WWOX: variants seen among roughly 807,000 people sequenced by gnomAD.
WWOX encodes the protein WW domain containing oxidoreductase.
Under a neutral mutation model 46.2 loss-of-function variants are expected in WWOX, and 69 were observed. That is an observed-to-expected ratio of 1.49 (90% confidence interval 1.23 to 1.82). The LOEUF is 1.82. Among genes scored for constraint, WWOX ranks in the 40% most tolerant of loss-of-function variants. WWOX has a pLI of 0.00. For missense variants in WWOX, 919 were observed against 542.6 expected (o/e 1.69, Z -6.89); for synonymous variants, 359 against 202.6 (o/e 1.77, Z -6.56).
intron 4 of WWOX, among the ~76,000 whole-genome samples, chr16:78,135,337 A>C (rs2033750438): frequency 6.6e-6 from 1 of 152,218 alleles, no homozygotes; most frequent in African/African-American, 2.4e-5. Flanking sequence ...CTTTCTGAGA[A>C]GGAGGGGAAG....
chr16:78,513,706 C>T (rs144760530), intron 8 of WWOX, among the ~76,000 whole-genome samples: 31 of 152,288 alleles, frequency 2.0e-4, no homozygotes, highest in South Asian at 4.1e-4. Flanking sequence ...TTGAGAAATA[C>T]AATACTTATC....
At chr16:78,364,421 G>A (rs2151915817) in intron 5 of WWOX, among the ~76,000 whole-genome samples, 1 of 151,682 alleles carries the variant, frequency 6.6e-6, no homozygotes, top group Non-Finnish European at 1.5e-5. Flanking sequence ...ATTTTTAGTA[G>A]TACTGTTGAG....
At chr16:78,798,797 C>T (rs1371068893) in intron 8 of WWOX, among the ~76,000 whole-genome samples, 1 of 152,074 alleles carries the variant, frequency 6.6e-6, no homozygotes, top group Admixed American at 6.6e-5. Flanking sequence ...CTGAAGGACA[C>T]TGGTCTATTG....
chr16:78,238,167 T>G (rs928698078), intron 5 of WWOX: 1 of 152,148 alleles, frequency 6.6e-6, no homozygotes, highest in Non-Finnish European at 1.5e-5. Context: ...CCCTTTTTTG[T>G]TATTCCAAAA....
chr16:78,748,115 C>G (rs1056963383), intron 8 of WWOX, among the ~76,000 whole-genome samples: 3 of 152,136 alleles, frequency 2.0e-5, no homozygotes, highest in African/African-American at 7.2e-5. Context: ...AGACCGGACC[C>G]TCCACTCCTC....
At chr16:78,368,774 A>G (rs1381665070) in intron 5 of WWOX, among the ~76,000 whole-genome samples, 5 of 150,742 alleles carry the variant, frequency 3.3e-5, no homozygotes, top group Admixed American at 2.6e-4. Flanking sequence ...AAAATTACCC[A>G]TCGCGATTCA....
At chr16:78,591,153 T>G (rs1382800122) in intron 8 of WWOX, among the ~76,000 whole-genome samples, 2 of 152,100 alleles carry the variant, frequency 1.3e-5, no homozygotes, top group East Asian at 1.9e-4. Flanking sequence ...CCCCCCTTTC[T>G]CCCTTTTTCA....
intron 8 of WWOX, among the ~76,000 whole-genome samples, chr16:78,766,789 C>T (rs182745277): frequency 6.6e-6 from 1 of 152,046 alleles, no homozygotes; most frequent in African/African-American, 2.4e-5. Flanking sequence ...TTTATTTTGG[C>T]AAAATGTACA....
chr16:78,396,009 A>G (rs569851909), intron 6 of WWOX, among the ~76,000 whole-genome samples: 1 of 152,318 alleles, frequency 6.6e-6, no homozygotes, highest in East Asian at 1.9e-4. Context: ...ATCCTTAAGT[A>G]CAGTGGAACC....
chr16:79,070,872 A>G (rs372034646), intron 8 of WWOX, among the ~76,000 whole-genome samples: 12 of 152,296 alleles, frequency 7.9e-5, no homozygotes, highest in South Asian at 4.2e-4. Context: ...TGTGTTGACT[A>G]TATTCTCCAC....
intron 5 of WWOX, among the ~76,000 whole-genome samples, chr16:78,288,050 A>G (rs955741478): frequency 6.6e-6 from 1 of 152,120 alleles, no homozygotes; most frequent in African/African-American, 2.4e-5. Context: ...TAATTTAGCC[A>G]TTTCTAATGA....
rs60074156 is a variant in WWOX at position 79,074,409 on chromosome 16, C to CTTTTTTTTTTTTTT, written c.1057-137179_1057-137166dup. Among the ~76,000 whole-genome samples, 28 of 30,984 alleles carry CTTTTTTTTTTTTTT rather than the reference C, an allele frequency of 9.0e-4. 3 individuals are homozygous for CTTTTTTTTTTTTTT. The highest frequency in any genetic ancestry group is 1.8e-3 in the South Asian group (1 of 554). 20.3% of individuals were successfully genotyped at this position (30,984 alleles called of 152,430 possible). ...CATCCTGACTGAAATGTCACTAGTC[C>CTTTTTTTTTTTTTT]TTTTTTTTTTTTTTTTTTTTTTTTT... On this transcript the variant is annotated intron_variant, in intron 8 of 8. Transcript: ENST00000566780.
intron 8 of WWOX, among the ~76,000 whole-genome samples, chr16:79,068,742 C>T (rs2048489197): frequency 6.6e-6 from 1 of 151,332 alleles, no homozygotes; most frequent in Non-Finnish European, 1.5e-5. Flanking sequence ...GCCCAGGAGG[C>T]CAAGGCTGCA....
chr16:78,337,444 G>A (rs1343537036), intron 5 of WWOX, among the ~76,000 whole-genome samples: 1 of 152,142 alleles, frequency 6.6e-6, no homozygotes, highest in Non-Finnish European at 1.5e-5. Flanking sequence ...TTGCATTAGT[G>A]TGGCACATTT....
intron 8 of WWOX, among the ~76,000 whole-genome samples, chr16:79,176,895 A>T (rs2050810973): frequency 6.6e-6 from 1 of 152,192 alleles, no homozygotes. Context: ...GGCATAATCC[A>T]GGCCGACTTT....
At chr16:78,466,529 G>A (rs962636571) in intron 8 of WWOX, among the ~76,000 whole-genome samples, 4 of 151,912 alleles carry the variant, frequency 2.6e-5, no homozygotes, top group Non-Finnish European at 5.9e-5. Context: ...AGCTGCTGTT[G>A]TTGTTTTTTA....
intron 8 of WWOX, among the ~76,000 whole-genome samples, chr16:78,639,080 G>C (rs1453193889): frequency 6.6e-6 from 1 of 152,060 alleles, no homozygotes; most frequent in African/African-American, 2.4e-5. Context: ...AGAAAAGCTG[G>C]GCCTAAAAGA....
chr16:78,257,558 G>C (rs763470949), intron 5 of WWOX, among the ~76,000 whole-genome samples: 1 of 152,132 alleles, frequency 6.6e-6, no homozygotes, highest in African/African-American at 2.4e-5. Context: ...AGGGAGCTCC[G>C]TGGGAGGCAC....
chr16:78,770,178 C>A (rs1396061033), intron 8 of WWOX, among the ~76,000 whole-genome samples: 1 of 152,078 alleles, frequency 6.6e-6, no homozygotes, highest in African/African-American at 2.4e-5. Context: ...TGGTGAAACC[C>A]CGTCTCTACT....
Sources: allele counts gnomAD v4.1 joint callset (sites outside exome capture counted in the v4.1 genomes callset), GRCh38; gene constraint gnomAD v4.1.1; transcripts MANE v1.5; gene names NCBI Gene and HGNC (gene_info 2026-07-23, HGNC 2026-07-21).